Variants in GPBP1L1 observed in about 807,000 individuals in gnomAD.
GPBP1L1 encodes the protein GC-rich promoter binding protein 1 like 1, also known as vasculin-like protein 1.
Under a neutral mutation model 52.5 loss-of-function variants are expected in GPBP1L1, and 23 were observed. The observed-to-expected ratio is 0.44, with a 90% CI of 0.32 to 0.62. GPBP1L1 has a LOEUF of 0.62. GPBP1L1 is among the 20% of genes least tolerant of loss of function. The pLI, the probability that GPBP1L1 is intolerant of heterozygous loss-of-function variation, is 0.06. For missense variants in GPBP1L1, 596 were observed against 579.3 expected (o/e 1.03, Z -0.30); for synonymous variants, 243 against 203.1 (o/e 1.20, Z -1.67).
intron 6 of GPBP1L1, chr1:45,645,767 TG>T (rs373281306): frequency 0.14 from 42,008 of 309,198 alleles, 4,666 homozygotes; most frequent in African/African-American, 0.2. Flanking sequence ...CGAAGTTTTT[TG>T]TTTTTTTTTT....
chr1:45,640,510 C>G (rs1644658586), intron 7 of GPBP1L1, 107 bp from the exon 8 acceptor site: 2 of 863,020 alleles, frequency 2.3e-6, no homozygotes, highest in Non-Finnish European at 3.8e-6. Flanking sequence ...ACAGTTGAGA[C>G]AGAGGGATTA....
At chr1:45,631,146 A>G (rs918679947) in intron 10 of GPBP1L1, among the ~76,000 whole-genome samples, 10 of 152,262 alleles carry the variant, frequency 6.6e-5, no homozygotes, top group African/African-American at 2.4e-4. Flanking sequence ...AAATAAAGTC[A>G]AAATGGGTCA....
intron 2 of GPBP1L1, among the ~76,000 whole-genome samples, chr1:45,668,828 C>A (rs770987395): frequency 8.9e-4 from 129 of 144,378 alleles, no homozygotes; most frequent in Middle Eastern, 7.2e-3. Context: ...TAAAACTTAG[C>A]CAGGCATGGT....
At chr1:45,663,066 C>CAAAAAAAAAAAAAAA (rs1644966043) in intron 2 of GPBP1L1, among the ~76,000 whole-genome samples, 9 of 100,440 alleles carry the variant, frequency 9.0e-5, no homozygotes, top group African/African-American at 1.1e-4. Context: ...AAAAAAAAAG[C>CAAAAAAAAAAAAAAA]AAAAAACCCC....
intron 2 of GPBP1L1, among the ~76,000 whole-genome samples, chr1:45,674,513 A>G (rs1024981221): frequency 5.9e-5 from 9 of 152,352 alleles, no homozygotes; most frequent in Non-Finnish European, 1.2e-4. Context: ...TCCCTAACTT[A>G]GGACGATAGT....
In GPBP1L1 at chr1:45,666,858, T is replaced by C. The variant is rs560762594; in HGVS notation, c.-1097-5633A>G. Among the ~76,000 whole-genome samples the C allele has an allele frequency of 3.0e-4, 45 of 152,328 alleles. No homozygotes were observed. In the South Asian group the frequency reaches 5.4e-3, roughly 18 times the overall value. ...TGTATATTCACACCACAGGCTATTA[T>C]TCAGCTATAAAAAGGAAATGAAGTA... On this transcript the variant is annotated intron_variant, in intron 2 of 12. Transcript: ENST00000355105.
chr1:45,648,416 G>A (rs1275660249), intron 6 of GPBP1L1, among the ~76,000 whole-genome samples: 1 of 152,164 alleles, frequency 6.6e-6, no homozygotes, highest in Non-Finnish European at 1.5e-5. Context: ...CAGAGCCCCT[G>A]TATTTACTTG....
At chr1:45,651,648 T>G (rs963273712) in intron 6 of GPBP1L1, 2 of 685,580 alleles carry the variant, frequency 2.9e-6, no homozygotes, top group Non-Finnish European at 5.3e-6. Flanking sequence ...TGCAACCTGA[T>G]ATAGCAGGGC....
intron 6 of GPBP1L1, among the ~76,000 whole-genome samples, chr1:45,644,923 G>GA (rs1441758582): frequency 1.3e-5 from 2 of 152,270 alleles, no homozygotes; most frequent in Admixed American, 6.5e-5. Flanking sequence ...AGTTCATATA[G>GA]AAAAAATATG....
At chr1:45,640,671 A>G (rs1230915455) in intron 7 of GPBP1L1, among the ~76,000 whole-genome samples, 1 of 152,202 alleles carries the variant, frequency 6.6e-6, no homozygotes, top group African/African-American at 2.4e-5. Context: ...GGGGCACAAT[A>G]TGTCTGATGG....
intron 2 of GPBP1L1, among the ~76,000 whole-genome samples, chr1:45,681,509 A>C (rs909730104): frequency 8.5e-5 from 13 of 152,326 alleles, no homozygotes; most frequent in African/African-American, 3.1e-4. Flanking sequence ...AATAAATTAC[A>C]AAGGTCAACA....
At chr1:45,680,453 G>C (rs1329432634) in intron 2 of GPBP1L1, among the ~76,000 whole-genome samples, 1 of 151,778 alleles carries the variant, frequency 6.6e-6, no homozygotes, top group Non-Finnish European at 1.5e-5. Context: ...TGACCAGCCT[G>C]GTCTTAAACT....
chr1:45,683,176 T>C (rs990321120), intron 2 of GPBP1L1, among the ~76,000 whole-genome samples: 1 of 149,976 alleles, frequency 6.7e-6, no homozygotes, highest in African/African-American at 2.4e-5. Context: ...ACACAACAAC[T>C]TAGATTGCCT....
chr1:45,675,659 C>G (rs1190162339), intron 2 of GPBP1L1, among the ~76,000 whole-genome samples: 1 of 152,170 alleles, frequency 6.6e-6, no homozygotes, highest in Non-Finnish European at 1.5e-5. Flanking sequence ...CCCAGCTCAG[C>G]TTCCCAAGTA....
intron 1 of GPBP1L1, among the ~76,000 whole-genome samples, chr1:45,685,906 A>C (rs1010451229): frequency 6.6e-6 from 1 of 152,178 alleles, no homozygotes; most frequent in Non-Finnish European, 1.5e-5. Flanking sequence ...CTAAGCGAAA[A>C]CACCTCGCTA....
intron 7 of GPBP1L1, among the ~76,000 whole-genome samples, chr1:45,641,442 A>G (rs1644671106): frequency 1.3e-5 from 2 of 150,978 alleles, no homozygotes; most frequent in South Asian, 2.1e-4. Context: ...AAACATATAT[A>G]TACACACACA....
chr1:45,629,459 C>CCG (rs1644500669), intron 12 of GPBP1L1, 117 bp downstream of exon 12: 1 of 77,634 alleles, frequency 1.3e-5, no homozygotes, highest in African/African-American at 4.1e-5. Context: ...GGTAATCCCC[C>CCG]CCCCCCCCAC....
intron 6 of GPBP1L1, chr1:45,651,356 G>A (rs958562825): frequency 2.7e-6 from 1 of 377,266 alleles, no homozygotes; most frequent in Non-Finnish European, 5.1e-6. Flanking sequence ...CATGTCATAT[G>A]CAATCACCAC....
At position 45,630,534 on chromosome 1, in the gene GPBP1L1, G is replaced by A. The variant is rs1174527669; in HGVS notation, c.1117C>T (p.Pro373Ser). 1 of 1,613,970 alleles carries A rather than the reference G, an allele frequency of 6.2e-7. No individual in the cohort carries two copies. Among genetic ancestry groups the A allele is most frequent in the Admixed American group, 1.7e-5 (1 of 60,010 alleles). Residue 373 changes from proline to serine, a missense_variant, in exon 11 of 13, where the codon CCT becomes TCT. Coordinates refer to ENST00000355105, the MANE Select transcript of GPBP1L1 (RefSeq NM_021639.5). ...EGCHQNGLAL[P>S]VVEEGEVLSH... ...AGAACCTCCCCTTCTTCCACTACAG[G>A]GAGGGCAAGACCATTTTGATGACAG... is the stretch of plus-strand genomic sequence containing the variant.
Sources: allele counts gnomAD v4.1 joint callset (sites outside exome capture counted in the v4.1 genomes callset), GRCh38; gene constraint gnomAD v4.1.1; transcripts MANE v1.5; gene names NCBI Gene and HGNC (gene_info 2026-07-23, HGNC 2026-07-21).